EXPH5: variants seen among roughly 807,000 people sequenced by gnomAD.
The protein encoded by EXPH5 is exophilin 5, also known as exophilin-5.
A neutral mutation model predicts 41.1 loss-of-function variants in EXPH5; 42 were observed. The ratio of observed to expected loss-of-function variants is 1.02; its 90% CI spans 0.80 to 1.32. The LOEUF (loss-of-function observed/expected upper bound fraction) is 1.32. Among genes scored for constraint, EXPH5 ranks in the 40% most tolerant of loss-of-function variants. The pLI, the probability that EXPH5 is intolerant of heterozygous loss-of-function variation, is 0.00. For missense variants in EXPH5, 2,298 were observed against 2,314.5 expected, an observed-to-expected ratio of 0.99 and a Z score of 0.15; for synonymous variants, 798 against 833.5, an observed-to-expected ratio of 0.96 and a Z score of 0.73.
intron 3 of EXPH5, among the ~76,000 whole-genome samples, chr11:108,534,805 T>G (rs1481276339): frequency 6.6e-6 from 1 of 152,194 alleles, no homozygotes; most frequent in Non-Finnish European, 1.5e-5. Flanking sequence ...GGGCACTCCT[T>G]TCTCAAGACC....
At chr11:108,581,542 G>A (rs1379387045) in intron 1 of EXPH5, among the ~76,000 whole-genome samples, 4 of 151,710 alleles carry the variant, frequency 2.6e-5, no homozygotes, top group East Asian at 1.9e-4. Flanking sequence ...ACCAAAAAAC[G>A]CTTATACTGG....
intron 1 of EXPH5, among the ~76,000 whole-genome samples, chr11:108,553,701 G>A (rs971237868): frequency 2.0e-5 from 3 of 152,114 alleles, no homozygotes; most frequent in Admixed American, 6.5e-5. Context: ...ACTCATGGTC[G>A]ATCAACATAT....
chr11:108,599,336 T>C, the EXPH5 span, among the ~76,000 whole-genome samples: 1 of 152,256 alleles, frequency 6.6e-6, no homozygotes, highest in African/African-American at 2.4e-5. Context: ...TTCCATATTT[T>C]AATATCATTC....
In EXPH5 at chr11:108,528,165, G is replaced by T. The variant is rs2093812417; in HGVS notation, c.463C>A (p.Pro155Thr). The change falls in exon 4 of 6, where the codon CCT (proline) becomes ACT (threonine). Residue 155 changes from proline to threonine, a missense_variant. Coordinates refer to ENST00000265843, the MANE Select transcript of EXPH5 (RefSeq NM_015065.3). ...GQKGCDGHAG[P>T]PMPVRGAAVQ... ...GCAGCTCCCCTCACAGGCATAGGAG[G>T]TCCTGCATGGCCATCACATCTGTGG... The T allele has an allele frequency of 6.2e-7, 1 of 1,610,818 alleles. No homozygotes were observed. The highest frequency in any genetic ancestry group is 8.5e-7 in the Non-Finnish European group (1 of 1,177,148).
chr11:108,554,792 C>T (rs149983508), intron 1 of EXPH5, among the ~76,000 whole-genome samples: 36 of 152,212 alleles, frequency 2.4e-4, no homozygotes, highest in African/African-American at 7.2e-4. Context: ...GGCGTGGTGG[C>T]GCACTCCTGT....
chr11:108,548,589 A>G (rs1310980504), intron 1 of EXPH5, among the ~76,000 whole-genome samples: 3 of 152,192 alleles, frequency 2.0e-5, no homozygotes, highest in Non-Finnish European at 4.4e-5. Context: ...TATGTTTACT[A>G]TTACCAAGGA....
At position 108,510,111 on chromosome 11, in the gene EXPH5, C is replaced by G. The variant is rs749754134; in HGVS notation, c.5396G>C (p.Ser1799Thr). ...PHLYRSKSLK[S>T]INVHGDLLRK... ...TAGTAGATCGCCATGAACATTAATGCTTTTTAAACTCTTTGAACGATAGAG... is the reference window on the plus strand; with the variant it reads ...TAGTAGATCGCCATGAACATTAATGGTTTTTAAACTCTTTGAACGATAGAG... The change falls in exon 6 of 6, where the codon AGC becomes ACC. Residue 1799 changes from serine to threonine, a missense_variant. Ser to Thr is a moderately conservative substitution (Grantham distance 58). Transcript: ENST00000265843. 6.2e-7 allele frequency: 1 copy of G among 1,613,592 alleles called. No individual in the cohort carries two copies. The highest frequency in any genetic ancestry group is 8.5e-7 in the Non-Finnish European group (1 of 1,179,918).
intron 4 of EXPH5, among the ~76,000 whole-genome samples, chr11:108,525,772 G>A (rs1013765570): frequency 2.6e-5 from 4 of 151,964 alleles, no homozygotes; most frequent in Non-Finnish European, 4.4e-5. Flanking sequence ...GTGGGGTTGA[G>A]GGGATAGAAC....
At chr11:108,542,205 C>T (rs553747089) in intron 1 of EXPH5, among the ~76,000 whole-genome samples, 72 of 152,240 alleles carry the variant, frequency 4.7e-4, no homozygotes, top group African/African-American at 1.7e-3. Flanking sequence ...AATTCATTCA[C>T]ATCTAAAGCC....
intron 1 of EXPH5, among the ~76,000 whole-genome samples, chr11:108,575,593 C>T (rs2640748): frequency 1 from 152,011 of 152,364 alleles, 75,830 homozygotes; most frequent in East Asian, 1. Flanking sequence ...TTATGTTGAC[C>T]CTGAATCTTC....
intron 1 of EXPH5, among the ~76,000 whole-genome samples, chr11:108,571,656 C>T (rs575283625): frequency 4.5e-4 from 68 of 152,314 alleles, no homozygotes; most frequent in African/African-American, 1.6e-3. Context: ...ATTCAGCCAG[C>T]AACTGAGACC....
chr11:108,518,835 G>A (rs1180596520), intron 4 of EXPH5, among the ~76,000 whole-genome samples: 1 of 152,126 alleles, frequency 6.6e-6, no homozygotes, highest in East Asian at 1.9e-4. Context: ...AACGAAGCCG[G>A]CTAAAACCCA....
At chr11:108,571,185 T>C (rs1018652614) in intron 1 of EXPH5, among the ~76,000 whole-genome samples, 3 of 152,170 alleles carry the variant, frequency 2.0e-5, no homozygotes, top group Non-Finnish European at 2.9e-5. Flanking sequence ...GGGAGTGTGT[T>C]ACTCATAAAC....
chr11:108,559,395 G>A (rs374284664), intron 1 of EXPH5, among the ~76,000 whole-genome samples: 84 of 152,290 alleles, frequency 5.5e-4, no homozygotes, highest in East Asian at 4.8e-3. Context: ...AAAGCTGCTC[G>A]GAGCTGCAGA....
chr11:108,564,494 G>A lies in EXPH5; in HGVS notation c.120-22682C>T, dbSNP rs749000090. Among the ~76,000 whole-genome samples, 29 of 151,988 alleles carry A rather than the reference G, an allele frequency of 1.9e-4. 1 individual carries two copies. The highest frequency in any genetic ancestry group is 2.6e-4 in the Non-Finnish European group (18 of 67,994). On this transcript the variant is annotated intron_variant, in intron 1 of 5. Coordinates refer to ENST00000265843, the MANE Select transcript of EXPH5 (RefSeq NM_015065.3). ...TATGCTATGTCAGTATTCCACCACT[G>A]CATCTCTGTACTGTAACATATGATC...
intron 1 of EXPH5, among the ~76,000 whole-genome samples, chr11:108,548,977 A>C (rs1478822015): frequency 6.6e-6 from 1 of 150,886 alleles, no homozygotes; most frequent in Admixed American, 6.6e-5. Context: ...TTGTAAACAG[A>C]ATTCAACCAA....
At chr11:108,604,227 C>CAAAAAAAAAAA in the EXPH5 span, among the ~76,000 whole-genome samples, 1 of 109,750 alleles carries the variant, frequency 9.1e-6, no homozygotes. Flanking sequence ...CCCATCTCTA[C>CAAAAAAAAAAA]AAAAAAAAAA....
At chr11:108,548,229 C>CTTTTTTTTT (rs71050862) in intron 1 of EXPH5, among the ~76,000 whole-genome samples, 1 of 150,264 alleles carries the variant, frequency 6.7e-6, no homozygotes, top group Non-Finnish European at 1.5e-5. Context: ...AAGTTTTTGA[C>CTTTTTTTTT]TTTTTTTTCT....
chr11:108,575,940 C>T (rs577838429), intron 1 of EXPH5, among the ~76,000 whole-genome samples: 21 of 152,054 alleles, frequency 1.4e-4, no homozygotes, highest in Non-Finnish European at 2.4e-4. Flanking sequence ...CCAGCCTGGG[C>T]GACAGAATGA....
Sources: gnomAD v4.1 joint callset for allele counts (sites outside exome capture counted in the v4.1 genomes callset) on GRCh38, gnomAD v4.1.1 for gene constraint, MANE v1.5 for transcripts, NCBI Gene and HGNC (gene_info 2026-07-23, HGNC 2026-07-21) for gene names.